Variants in CNTN3 observed in about 807,000 individuals in gnomAD.
CNTN3 encodes contactin-3.
Under a neutral mutation model 119.1 loss-of-function variants are expected in CNTN3, and 60 were observed. That is an observed-to-expected ratio of 0.50 (90% CI 0.41 to 0.62). The LOEUF is 0.62. Ranked by LOEUF, CNTN3 falls within the 20% of genes least tolerant of loss-of-function variation. CNTN3 has a pLI of 0.00. For missense variants in CNTN3, 1,101 were observed against 1,242.4 expected, an observed-to-expected ratio of 0.89 and a Z score of 1.71; for synonymous variants, 450 against 438.7, an observed-to-expected ratio of 1.03 and a Z score of -0.32.
intron 18 of CNTN3, among the ~76,000 whole-genome samples, chr3:74,297,504 G>A (rs1702365106): frequency 2.6e-5 from 4 of 152,088 alleles, no homozygotes; most frequent in South Asian, 2.1e-4. Flanking sequence ...ATGGTAATCC[G>A]CATGTTGCAA....
chr3:74,344,396 GGTTTTTTTTTTTTTTTTTTTTT>G lies in CNTN3; in HGVS notation c.1365-7760_1365-7739del, dbSNP rs1559556083. Among the ~76,000 whole-genome samples the G allele has an allele frequency of 1.7e-4, 15 of 87,828 alleles. 2 individuals are homozygous for G. Among genetic ancestry groups the G allele is most frequent in the Non-Finnish European group, 2.3e-4 (10 of 43,002 alleles). 57.6% of individuals were successfully genotyped at this position (87,828 alleles called of 152,430 possible). On this transcript the variant is annotated intron_variant, in intron 11 of 22. Coordinates refer to ENST00000263665, the MANE Select transcript of CNTN3 (RefSeq NM_020872.3). ...TAGTTCATTTACAACCTTACACAGTGGTTTTTTTTTTTTTTTTTTTTTTTTTTTTTTTTTTTTTTTTTTTTTT... is the reference window on the plus strand; with the variant it reads ...TAGTTCATTTACAACCTTACACAGTGTTTTTTTTTTTTTTTTTTTTTTTTT...
At position 74,285,482 on chromosome 3, in the gene CNTN3, A is replaced by G; in HGVS notation, c.2527T>C (p.Trp843Arg). The G allele has an allele frequency of 6.2e-7, 1 of 1,610,192 alleles. No homozygotes were observed. The highest frequency in any genetic ancestry group is 8.5e-7 in the Non-Finnish European group (1 of 1,178,364). ...GATTCCTCCTTTCCACCCCCATTCC[A>G]GTACCGCACCTGGTGGGCGGAAGAC... ...GHLLGYEVRY[W>R]NGGGKEESSS... is the part of the protein sequence containing the mutation. The change falls in exon 20 of 23, where the codon TGG becomes CGG. Residue 843 changes from tryptophan (W) to arginine (R), a missense_variant. Trp to Arg is a moderately radical substitution (Grantham distance 101). Coordinates refer to ENST00000263665, the MANE Select transcript of CNTN3 (RefSeq NM_020872.3).
Position 74,320,282 on chromosome 3 carries a change from C to T in CNTN3, c.1668+14453G>A, listed in dbSNP as rs549768563. On this transcript the variant is annotated intron_variant, in intron 13 of 22. Transcript: ENST00000263665. ...TGGAACCAACCCAAATGTCCAACAACGATAGACTGGATTAAGAAAATGTGG... is the reference window on the plus strand; with the variant it reads ...TGGAACCAACCCAAATGTCCAACAATGATAGACTGGATTAAGAAAATGTGG... Among the ~76,000 whole-genome samples, 417 of 152,142 alleles carry T rather than the reference C, an allele frequency of 2.7e-3. 2 individuals carry two copies. Among genetic ancestry groups the T allele is most frequent in the African/African-American group, 8.0e-3 (334 of 41,498 alleles).
chr3:74,421,225 C>T (rs368030604), intron 5 of CNTN3, among the ~76,000 whole-genome samples: 1 of 151,806 alleles, frequency 6.6e-6, no homozygotes, highest in African/African-American at 2.4e-5. Context: ...GGCTGGAGTG[C>T]AGTGGTATGA....
At chr3:74,598,520 C>T (rs1173516769) in intron 1 of CNTN3, among the ~76,000 whole-genome samples, 1 of 152,028 alleles carries the variant, frequency 6.6e-6, no homozygotes, top group Non-Finnish European at 1.5e-5. Context: ...AGTGCAGTGG[C>T]ATGATCGCAG....
intron 12 of CNTN3, among the ~76,000 whole-genome samples, chr3:74,335,324 G>GAA (rs1703364536): frequency 1.3e-5 from 2 of 152,046 alleles, no homozygotes; most frequent in South Asian, 4.2e-4. Flanking sequence ...GACATTTAAT[G>GAA]GTAGCCTGGA....
Position 74,603,567 on chromosome 3 carries a change from G to A in CNTN3, c.-81+10824C>T, listed in dbSNP as rs905397665. ...TTGAATTGTTATCAAAGCAAAAGCC[G>A]ACTGTTACATTTATACAACAACAAA... is the stretch of plus-strand genomic sequence containing the variant. On this transcript the variant is annotated intron_variant, in intron 1 of 22. Transcript: ENST00000263665. Among the ~76,000 whole-genome samples, 8 of 152,066 alleles carry A rather than the reference G, an allele frequency of 5.3e-5. No homozygotes were observed. In the East Asian group the frequency reaches 1.2e-3, roughly 22 times the overall value.
intron 12 of CNTN3, among the ~76,000 whole-genome samples, 160 bp downstream of exon 12, chr3:74,336,371 T>A (rs534549964): frequency 1.3e-5 from 2 of 152,262 alleles, no homozygotes; most frequent in East Asian, 1.9e-4. Context: ...TAAGGAAATA[T>A]TGTTCCCTTG....
At chr3:74,425,838 G>A (rs1189978808) in intron 4 of CNTN3, among the ~76,000 whole-genome samples, 1 of 151,946 alleles carries the variant, frequency 6.6e-6, no homozygotes, top group Non-Finnish European at 1.5e-5. Context: ...ATTCTGAAGG[G>A]CTTTGTGGAA....
intron 1 of CNTN3, among the ~76,000 whole-genome samples, chr3:74,545,755 T>A (rs771133032): frequency 1.1e-4 from 16 of 152,188 alleles, no homozygotes; most frequent in Non-Finnish European, 1.8e-4. Context: ...ATTATGTTTT[T>A]GTTGTTTGAT....
intron 19 of CNTN3, among the ~76,000 whole-genome samples, chr3:74,290,760 C>T (rs1374060604): frequency 6.6e-5 from 10 of 152,002 alleles, no homozygotes; most frequent in African/African-American, 1.5e-4. Flanking sequence ...GGCGTGATCT[C>T]GGCTCACTGC....
intron 1 of CNTN3, among the ~76,000 whole-genome samples, chr3:74,548,376 T>G (rs1703943720): frequency 6.6e-6 from 1 of 152,192 alleles, no homozygotes; most frequent in African/African-American, 2.4e-5. Context: ...TATTTCTATT[T>G]TATCTACATA....
intron 1 of CNTN3, among the ~76,000 whole-genome samples, chr3:74,604,480 C>G (rs984010534): frequency 6.6e-6 from 1 of 151,954 alleles, no homozygotes; most frequent in African/African-American, 2.4e-5. Flanking sequence ...AACAAATAAC[C>G]TAATTTTAAA....
At chr3:74,330,746 G>T (rs1004028016) in intron 13 of CNTN3, among the ~76,000 whole-genome samples, 38 of 152,084 alleles carry the variant, frequency 2.5e-4, no homozygotes, top group African/African-American at 8.2e-4. Context: ...GAGACATGCT[G>T]TGGAGGCACA....
At chr3:74,554,086 A>G (rs1704033960) in intron 1 of CNTN3, among the ~76,000 whole-genome samples, 1 of 151,968 alleles carries the variant, frequency 6.6e-6, no homozygotes, top group Non-Finnish European at 1.5e-5. Context: ...TCTTGAGTTG[A>G]TTTTTGTATA....
chr3:74,541,915 T>C (rs751100249), intron 1 of CNTN3, among the ~76,000 whole-genome samples: 1 of 152,196 alleles, frequency 6.6e-6, no homozygotes, highest in Non-Finnish European at 1.5e-5. Context: ...TGCTTGTTTG[T>C]AGCTTTCAGA....
At chr3:74,459,458 C>T (rs911901662) in intron 4 of CNTN3, among the ~76,000 whole-genome samples, 4 of 152,008 alleles carry the variant, frequency 2.6e-5, no homozygotes, top group African/African-American at 9.7e-5. Flanking sequence ...TTAATTTATG[C>T]CCAATGGCTT....
chr3:74,374,579 C>CTTCACTTCACTTCACTTCA (rs1262246715), intron 5 of CNTN3, among the ~76,000 whole-genome samples: 1 of 151,948 alleles, frequency 6.6e-6, no homozygotes, highest in Non-Finnish European at 1.5e-5. Flanking sequence ...ATTCTTGGTA[C>CTTCACTTCACTTCACTTCA]CTGCCCTGCA....
rs927378023 is a variant in CNTN3 at position 74,262,969 on chromosome 3, A to C, written c.*1432T>G. 6.6e-6 allele frequency: 1 copy of C among 152,106 alleles called. No homozygotes were observed. The highest frequency in any genetic ancestry group is 1.5e-5 in the Non-Finnish European group (1 of 67,980). The allele number at this position is 152,106 out of a possible 1,614,324, so 9.4% of individuals were successfully genotyped here. On this transcript the variant is annotated 3_prime_UTR_variant, in exon 23 of 23. Transcript: ENST00000263665. ...TGACTTTATCTTAAATGTAATCTCT[A>C]AATGTAAAATAGTGCTTTATGGTGA...
Sources: allele counts gnomAD v4.1 joint callset (sites outside exome capture counted in the v4.1 genomes callset), GRCh38; gene constraint gnomAD v4.1.1; transcripts MANE v1.5; gene names NCBI Gene and HGNC (gene_info 2026-07-23, HGNC 2026-07-21).